GRIA4: variants seen among roughly 807,000 people sequenced by gnomAD.
GRIA4 encodes glutamate receptor 4.
In GRIA4, 34 loss-of-function variants were observed where a neutral mutation model predicts 104.0. That is an observed-to-expected ratio of 0.33 (90% confidence interval 0.25 to 0.44). The LOEUF (loss-of-function observed/expected upper bound fraction) is 0.44, where lower values mean the gene tolerates loss of function less well. GRIA4 is among the 20% of genes least tolerant of loss of function. GRIA4 has a pLI of 1.00. For synonymous variants in GRIA4, 386 were observed against 381.9 expected (o/e 1.01, Z -0.13); for missense variants, 750 against 1,096.5 (o/e 0.68, Z 4.46).
intron 11 of GRIA4, among the ~76,000 whole-genome samples, chr11:105,924,183 G>A (rs915019691): frequency 1.6e-4 from 24 of 151,954 alleles, no homozygotes; most frequent in Admixed American, 5.3e-4. Flanking sequence ...TCTAATTACT[G>A]GAACATATTA....
At chr11:105,940,150 A>T (rs1948147431) in intron 14 of GRIA4, among the ~76,000 whole-genome samples, 1 of 152,162 alleles carries the variant, frequency 6.6e-6, no homozygotes, top group Admixed American at 6.6e-5. Flanking sequence ...AGATCAGTTA[A>T]GGTCAGGAGT....
At chr11:105,824,929 A>G (rs1943711625) in intron 4 of GRIA4, among the ~76,000 whole-genome samples, 1 of 152,080 alleles carries the variant, frequency 6.6e-6, no homozygotes. Flanking sequence ...CAGGAGGTAC[A>G]GGCTTGATCA....
intron 6 of GRIA4, among the ~76,000 whole-genome samples, chr11:105,888,032 A>G (rs1946327729): frequency 6.6e-6 from 1 of 152,140 alleles, no homozygotes; most frequent in African/African-American, 2.4e-5. Flanking sequence ...TTCACATATC[A>G]TATAGAAATG....
At chr11:105,832,837 G>A (rs886751932) in intron 4 of GRIA4, among the ~76,000 whole-genome samples, 8 of 151,860 alleles carry the variant, frequency 5.3e-5, no homozygotes, top group African/African-American at 1.9e-4. Flanking sequence ...TCTGGTGTAC[G>A]GCTTTCAGAA....
At chr11:105,804,593 G>A (rs1478627325) in intron 4 of GRIA4, among the ~76,000 whole-genome samples, 2 of 151,682 alleles carry the variant, frequency 1.3e-5, no homozygotes. Flanking sequence ...GTTTCAAGAA[G>A]GTAAATAAGT....
At chr11:105,754,193 G>A (rs745606357) in intron 4 of GRIA4, among the ~76,000 whole-genome samples, 6 of 152,112 alleles carry the variant, frequency 3.9e-5, no homozygotes, top group East Asian at 3.9e-4. Context: ...GCACACTAGA[G>A]ACAATCTTCT....
chr11:105,754,842 G>T (rs147126478), intron 4 of GRIA4, among the ~76,000 whole-genome samples: 25 of 152,156 alleles, frequency 1.6e-4, no homozygotes, highest in African/African-American at 6.0e-4. Context: ...GGAAGCTTGT[G>T]GTATTATTTT....
chr11:105,800,408 C>T (rs1591277796), intron 4 of GRIA4, among the ~76,000 whole-genome samples: 1 of 151,942 alleles, frequency 6.6e-6, no homozygotes, highest in East Asian at 1.9e-4. Context: ...ACAGTAATTG[C>T]CTCATTAGCT....
chr11:105,614,135 A>G (rs962885698), intron 3 of GRIA4: 1 of 151,724 alleles, frequency 6.6e-6, no homozygotes. Flanking sequence ...ATAATCTATG[A>G]TCCAAATACA....
chr11:105,767,550 T>C (rs1941005765), intron 4 of GRIA4, among the ~76,000 whole-genome samples: 1 of 151,916 alleles, frequency 6.6e-6, no homozygotes, highest in Non-Finnish European at 1.5e-5. Flanking sequence ...CAAACTGAAA[T>C]AAAAAACTAT....
Position 105,714,935 on chromosome 11 carries a change from G to T in GRIA4, c.248-38046G>T, listed in dbSNP as rs549222196. On this transcript the variant is annotated intron_variant, in intron 3 of 16. Coordinates refer to ENST00000282499, the MANE Select transcript of GRIA4 (RefSeq NM_000829.4). ...CAAAAGGATGACAGTCAAACCATCAGCTTTTCTGGTCTCCAGTGTAAGAGC... is the reference window on the plus strand; with the variant it reads ...CAAAAGGATGACAGTCAAACCATCATCTTTTCTGGTCTCCAGTGTAAGAGC... 3.3e-5 allele frequency among the ~76,000 whole-genome samples: 5 copies of T among 152,146 alleles called. 1 individual carries two copies. The highest frequency in any genetic ancestry group is 9.6e-5 in the African/African-American group (4 of 41,552).
chr11:105,647,070 T>C (rs375128572), intron 3 of GRIA4, among the ~76,000 whole-genome samples: 21 of 152,310 alleles, frequency 1.4e-4, no homozygotes, highest in African/African-American at 4.3e-4. Flanking sequence ...AAAGATTTAA[T>C]ATCTAGCATC....
At chr11:105,781,942 G>A (rs1456422076) in intron 4 of GRIA4, among the ~76,000 whole-genome samples, 2 of 152,124 alleles carry the variant, frequency 1.3e-5, no homozygotes, top group African/African-American at 4.8e-5. Context: ...AGGGGAAACA[G>A]TACCCCTTTG....
chr11:105,647,239 A>G (rs1227761061), intron 3 of GRIA4, among the ~76,000 whole-genome samples: 3 of 152,198 alleles, frequency 2.0e-5, no homozygotes, highest in South Asian at 4.1e-4. Context: ...CAAAACCACA[A>G]TGAGATGCCA....
At chr11:105,668,680 T>TTG (rs1017426677) in intron 3 of GRIA4, among the ~76,000 whole-genome samples, 15 of 149,192 alleles carry the variant, frequency 1.0e-4, no homozygotes, top group African/African-American at 2.2e-4. Flanking sequence ...CTTTTGTCTT[T>TTG]TTTTTTTTTT....
chr11:105,869,576 T>C (rs2136045084), intron 5 of GRIA4, among the ~76,000 whole-genome samples: 1 of 152,238 alleles, frequency 6.6e-6, no homozygotes, highest in African/African-American at 2.4e-5. Flanking sequence ...ATGTTTTAAA[T>C]GTTTAAAAGG....
chr11:105,877,244 C>G (rs1945861728), intron 5 of GRIA4, among the ~76,000 whole-genome samples: 1 of 152,190 alleles, frequency 6.6e-6, no homozygotes, highest in Non-Finnish European at 1.5e-5. Flanking sequence ...CCCCCACTCT[C>G]TTCTGGCTTG....
At chr11:105,950,868 T>C (rs1467182389) in intron 14 of GRIA4, among the ~76,000 whole-genome samples, 1 of 152,058 alleles carries the variant, frequency 6.6e-6, no homozygotes, top group East Asian at 1.9e-4. Context: ...GAAGGATGAA[T>C]ATATAGTTTA....
rs999568669 is a variant in GRIA4 at position 105,918,843 on chromosome 11, C to T, written c.1401C>T (p.Val467=). Reference sequence around the variant, plus strand: ...GTATCAAGTATAAAATTGCCATTGTCCCTGATGGAAAATATGGAGCAAGGG... The same window carrying T: ...GTATCAAGTATAAAATTGCCATTGTTCCTGATGGAAAATATGGAGCAAGGG... ...HIGIKYKIAI[V]PDGKYGARDA... The change falls in exon 11 of 17, where the codon GTC becomes GTT. Residue 467 remains valine, a synonymous_variant. Coordinates refer to ENST00000282499, the MANE Select transcript of GRIA4 (RefSeq NM_000829.4). The T allele has an allele frequency of 2.5e-6, 4 of 1,610,338 alleles. No individual in the cohort carries two copies. Among genetic ancestry groups the T allele is most frequent in the Non-Finnish European group, 3.4e-6 (4 of 1,177,048 alleles).
Sources: allele counts gnomAD v4.1 joint callset (sites outside exome capture counted in the v4.1 genomes callset), GRCh38; gene constraint gnomAD v4.1.1; transcripts MANE v1.5; gene names NCBI Gene and HGNC (gene_info 2026-07-23, HGNC 2026-07-21).